TEX9: variants seen among roughly 807,000 people sequenced by gnomAD.
TEX9 encodes testis-expressed protein 9.
TEX9 carries 74 observed loss-of-function variants against 59.6 expected under a neutral mutation model. The observed-to-expected ratio is 1.24, with a 90% CI of 1.03 to 1.51. TEX9 has a LOEUF of 1.51. Ranked by LOEUF, TEX9 falls within the 40% of genes most tolerant of loss-of-function variation. The pLI, the probability that TEX9 is intolerant of heterozygous loss-of-function variation, is 0.00. For missense variants in TEX9, 522 were observed against 447.8 expected (o/e 1.17, Z -1.49); for synonymous variants, 186 against 152.2 (o/e 1.22, Z -1.64).
At chr15:56,458,946 A>G in the TEX9 span, among the ~76,000 whole-genome samples, 3 of 152,326 alleles carry the variant, frequency 2.0e-5, no homozygotes, top group East Asian at 5.8e-4. Flanking sequence ...TAAAGCTGCC[A>G]TGTTATATTT....
At chr15:56,290,214 G>T (rs1260069196) in intron 1 of TEX9, among the ~76,000 whole-genome samples, 2 of 152,174 alleles carry the variant, frequency 1.3e-5, no homozygotes, top group South Asian at 4.2e-4. Flanking sequence ...GTGTCTGTTG[G>T]GGGGCAGAGG....
chr15:56,326,441 CATT>C, intron 1 of TEX9, among the ~76,000 whole-genome samples: 1 of 152,140 alleles, frequency 6.6e-6, no homozygotes, highest in Non-Finnish European at 1.5e-5. Context: ...ATTTATAAAA[CATT>C]TAATATAAAA....
At chr15:56,380,748 C>G (rs144948441) in intron 3 of TEX9, among the ~76,000 whole-genome samples, 6,698 of 152,240 alleles carry the variant, frequency 0.044, 219 homozygotes, top group Admixed American at 0.087. Flanking sequence ...ATGCCACTCT[C>G]TCCTGGTCTG....
intron 1 of TEX9, among the ~76,000 whole-genome samples, chr15:56,268,505 A>G (rs1445182321): frequency 3.3e-5 from 5 of 152,164 alleles, no homozygotes; most frequent in African/African-American, 1.2e-4. Flanking sequence ...TCCCATCAAT[A>G]CCTAATTTAT....
At chr15:56,401,865 C>G (rs2048804692) in intron 9 of TEX9, among the ~76,000 whole-genome samples, 1 of 152,166 alleles carries the variant, frequency 6.6e-6, no homozygotes, top group Non-Finnish European at 1.5e-5. Context: ...ACAGAACAAC[C>G]TGCTCCTGAA....
At chr15:56,317,941 G>A (rs1314386536) in intron 1 of TEX9, among the ~76,000 whole-genome samples, 2 of 152,060 alleles carry the variant, frequency 1.3e-5, no homozygotes, top group African/African-American at 2.4e-5. Context: ...GGGCACTTGT[G>A]GAGAATGTGT....
intron 11 of TEX9, among the ~76,000 whole-genome samples, chr15:56,428,120 C>G (rs2050406210): frequency 6.6e-6 from 1 of 151,970 alleles, no homozygotes; most frequent in African/African-American, 2.4e-5. Flanking sequence ...CTGACACTTT[C>G]CTTCTTTGCA....
intron 9 of TEX9, chr15:56,395,445 A>G (rs1881494447): frequency 6.6e-6 from 1 of 152,094 alleles, no homozygotes; most frequent in Non-Finnish European, 1.5e-5. Flanking sequence ...TTCATGTACA[A>G]GTTTTTGTGT....
chr15:56,385,742 A>G (rs1275912815), intron 4 of TEX9, among the ~76,000 whole-genome samples: 1 of 152,056 alleles, frequency 6.6e-6, no homozygotes, highest in African/African-American at 2.4e-5. Flanking sequence ...CTTTTAAAAT[A>G]TTAAAACAAC....
intron 12 of TEX9, chr15:56,444,371 A>T: frequency 1.5e-6 from 2 of 1,291,824 alleles, no homozygotes; most frequent in Non-Finnish European, 2.1e-6. Flanking sequence ...TAGGTGCTTC[A>T]GTTCCTCACA....
intron 12 of TEX9, among the ~76,000 whole-genome samples, 184 bp downstream of exon 12, chr15:56,430,338 C>G (rs1346665374): frequency 6.6e-6 from 1 of 152,172 alleles, no homozygotes; most frequent in East Asian, 1.9e-4. Context: ...TCCAGAGTAT[C>G]TGGGACTACA....
At chr15:56,415,925 C>G (rs1294678925) in intron 10 of TEX9, among the ~76,000 whole-genome samples, 1 of 151,620 alleles carries the variant, frequency 6.6e-6, no homozygotes, top group East Asian at 1.9e-4. Context: ...TTTCGTAATT[C>G]TCATTGTAGA....
intron 1 of TEX9, among the ~76,000 whole-genome samples, chr15:56,298,743 A>G (rs904637036): frequency 6.6e-6 from 1 of 152,188 alleles, no homozygotes; most frequent in Admixed American, 6.5e-5. Flanking sequence ...CTGCTTTTCA[A>G]AGGCCATTGT....
At chr15:56,384,643 T>A (rs1411835610) in intron 4 of TEX9, among the ~76,000 whole-genome samples, 1 of 152,168 alleles carries the variant, frequency 6.6e-6, no homozygotes, top group East Asian at 1.9e-4. Context: ...GAATGCTGCA[T>A]AACAAAAATT....
chr15:56,340,477 A>C (rs1367322855), intron 1 of TEX9, among the ~76,000 whole-genome samples: 1 of 152,128 alleles, frequency 6.6e-6, no homozygotes, highest in African/African-American at 2.4e-5. Flanking sequence ...TAACTGTTGA[A>C]TTTTCCATTT....
Position 56,431,830 on chromosome 15 carries a change from G to C in TEX9, c.*29+3357G>C, listed in dbSNP as rs146269493. 6.3e-4 allele frequency among the ~76,000 whole-genome samples: 95 copies of C among 151,934 alleles called. 2 individuals are homozygous for C. In the East Asian group the frequency reaches 0.017, roughly 27 times the overall value. ...ACTGAATGCTTACCATATACCAGAT[G>C]CTGAAGAGTTTACAGTGTAAAACAA... is the stretch of plus-strand genomic sequence containing the variant. On this transcript the variant is annotated intron_variant, in intron 12 of 12. Transcript: ENST00000352903.
intron 3 of TEX9, among the ~76,000 whole-genome samples, chr15:56,373,766 A>G (rs1389471940): frequency 2.0e-5 from 3 of 152,166 alleles, no homozygotes; most frequent in Non-Finnish European, 4.4e-5. Context: ...CTCATTATAA[A>G]TTCTCATTAT....
chr15:56,448,873 C>T (rs1472697405), downstream of TEX9, among the ~76,000 whole-genome samples: 3 of 151,640 alleles, frequency 2.0e-5, no homozygotes, highest in Non-Finnish European at 4.4e-5. Context: ...CCTGTCTCAG[C>T]CTCCCAGGTA....
chr15:56,281,304 A>G (rs555791949), intron 1 of TEX9, among the ~76,000 whole-genome samples: 1 of 152,244 alleles, frequency 6.6e-6, no homozygotes, highest in African/African-American at 2.4e-5. Flanking sequence ...CCTAACCCCC[A>G]GGCTGCAGAC....
Sources: gnomAD v4.1 joint callset for allele counts (sites outside exome capture counted in the v4.1 genomes callset) on GRCh38, gnomAD v4.1.1 for gene constraint, MANE v1.5 for transcripts, NCBI Gene and HGNC (gene_info 2026-07-23, HGNC 2026-07-21) for gene names.